SCAF8: variants seen among roughly 807,000 people sequenced by gnomAD.
SCAF8 encodes the protein SR-related and CTD-associated factor 8.
SCAF8 carries 23 observed loss-of-function variants against 140.5 expected under a neutral mutation model. That is an observed-to-expected ratio of 0.16 (90% CI 0.12 to 0.23). The LOEUF (loss-of-function observed/expected upper bound fraction) is 0.23, where lower values mean the gene tolerates loss of function less well. SCAF8 is among the 10% of genes least tolerant of loss of function. The pLI, the probability that SCAF8 is intolerant of heterozygous loss-of-function variation, is 1.00. For synonymous variants in SCAF8, 575 were observed against 528.9 expected (o/e 1.09, Z -1.20); for missense variants, 1,397 against 1,555.7 (o/e 0.90, Z 1.72).
chr6:154,820,443 A>C (rs1345746057), intron 15 of SCAF8, 110 bp downstream of exon 15: 1 of 826,376 alleles, frequency 1.2e-6, no homozygotes, highest in East Asian at 2.7e-5. Flanking sequence ...TTCATCTCCC[A>C]AAAAAGAGAA....
intron 19 of SCAF8, 93 bp downstream of exon 19, chr6:154,831,233 C>A: frequency 2.8e-6 from 2 of 706,892 alleles, no homozygotes; most frequent in Non-Finnish European, 4.5e-6. Context: ...CCACTTCAAT[C>A]TACAGATGCT....
chr6:154,733,845 A>T lies in SCAF8; in HGVS notation c.-56A>T, dbSNP rs1778331601. On this transcript the variant is annotated 5_prime_UTR_variant, in exon 1 of 20. Coordinates refer to ENST00000367178, the MANE Select transcript of SCAF8 (RefSeq NM_014892.5). ...AGCCCGCGTCTCGCTCTCCCCACCC[A>T]GTGCAGTGGCCGCCGCCTCTTCCGC... is the stretch of plus-strand genomic sequence containing the variant. The T allele has an allele frequency of 2.6e-6, 4 of 1,536,064 alleles. No individual in the cohort carries two copies. Among genetic ancestry groups the T allele is most frequent in the Non-Finnish European group, 3.5e-6 (4 of 1,147,190 alleles).
At chr6:154,804,034 G>A (rs934848854) in intron 8 of SCAF8, among the ~76,000 whole-genome samples, 1 of 151,718 alleles carries the variant, frequency 6.6e-6, no homozygotes, top group Non-Finnish European at 1.5e-5. Context: ...GGAGTTATGA[G>A]GATTTTTTTT....
At chr6:154,793,627 C>T (rs1394595277) in intron 5 of SCAF8, among the ~76,000 whole-genome samples, 1 of 151,208 alleles carries the variant, frequency 6.6e-6, no homozygotes, top group African/African-American at 2.4e-5. Context: ...GCAGCCTGGC[C>T]AATATAGTGA....
chr6:154,808,025 A>G (rs1341747581), intron 9 of SCAF8, 45 bp from the exon 10 acceptor site: 2 of 1,544,178 alleles, frequency 1.3e-6, no homozygotes, highest in East Asian at 2.3e-5. Context: ...ATTCATAACA[A>G]AAAGTATCTC....
chr6:154,794,765 G>GC (rs1777538956), intron 5 of SCAF8, among the ~76,000 whole-genome samples: 1 of 94,276 alleles, frequency 1.1e-5, no homozygotes, highest in East Asian at 3.2e-4. Flanking sequence ...TTGGTGGGGG[G>GC]GGGGGGGTGT....
chr6:154,786,223 G>A lies in SCAF8; in HGVS notation c.160-1638G>A, dbSNP rs535954383. Among the ~76,000 whole-genome samples the A allele has an allele frequency of 7.2e-5, 11 of 152,330 alleles. No individual in the cohort carries two copies. In the South Asian group the frequency reaches 2.3e-3, roughly 32 times the overall value. ...GGGGAGTGCTGTTGGTCAGGTTGGA[G>A]ATGGAATCATAGGGAGGTCCAAGTG... is the stretch of plus-strand genomic sequence containing the variant. On this transcript the variant is annotated intron_variant, in intron 3 of 19. Coordinates refer to ENST00000367178, the MANE Select transcript of SCAF8 (RefSeq NM_014892.5).
intron 6 of SCAF8, among the ~76,000 whole-genome samples, chr6:154,800,735 T>A (rs1400678633): frequency 6.6e-6 from 1 of 151,466 alleles, no homozygotes; most frequent in Non-Finnish European, 1.5e-5. Flanking sequence ...AAAAATATTT[T>A]AAAAAACCGA....
intron 1 of SCAF8, among the ~76,000 whole-genome samples, chr6:154,745,688 A>G (rs142759140): frequency 8.5e-5 from 13 of 152,124 alleles, no homozygotes; most frequent in African/African-American, 3.1e-4. Flanking sequence ...TTTGATGCAA[A>G]TACCTTGCTA....
intron 1 of SCAF8, among the ~76,000 whole-genome samples, chr6:154,737,993 G>T (rs2114786372): frequency 6.6e-6 from 1 of 152,072 alleles, no homozygotes; most frequent in African/African-American, 2.4e-5. Context: ...GGAGATCATT[G>T]GTTTGAAAAC....
Position 154,824,237 on chromosome 6 carries a change from C to G in SCAF8, c.1930C>G (p.Pro644Ala), listed in dbSNP as rs1223724828. The G allele has an allele frequency of 1.9e-6, 3 of 1,613,294 alleles. No homozygotes were observed. Among genetic ancestry groups the G allele is most frequent in the African/African-American group, 2.7e-5 (2 of 74,876 alleles). The change falls in exon 17 of 20, where the codon CCA becomes GCA. Residue 644 changes from proline (P) to alanine (A), a missense_variant. Pro to Ala is a conservative substitution (Grantham distance 27, BLOSUM62 -1). Around this residue, in one of 5 missense-constraint regions of SCAF8, gnomAD observed 930 missense variants for 874.6 expected, o/e 1.06. Transcript: ENST00000367178. ...CTTTTTTGTCTATCCACAAAAGATT[C>G]CAGTGGCGCCAGCCGTGCCTACAGT... ...FPPPVAMLQIPVAPAVPTVSL... is the reference protein window; with the variant it reads ...FPPPVAMLQIAVAPAVPTVSL...
At position 154,833,960 on chromosome 6, in the gene SCAF8, G is replaced by C. The variant is rs1175226309; in HGVS notation, c.*565G>C. 1 of 151,850 alleles carries C rather than the reference G, an allele frequency of 6.6e-6. No individual in the cohort carries two copies. Among genetic ancestry groups the C allele is most frequent in the African/African-American group, 2.4e-5 (1 of 41,432 alleles). 9.4% of individuals were successfully genotyped at this position (151,850 alleles called of 1,614,324 possible). A position where few individuals can be genotyped will look rare whatever the true frequency, so the allele number is the denominator to read the frequency against. On this transcript the variant is annotated 3_prime_UTR_variant, in exon 20 of 20. Coordinates refer to ENST00000367178, the MANE Select transcript of SCAF8 (RefSeq NM_014892.5). ...TGATTTGTTCCTCATACTGCAGTGA[G>C]TAAAAAAGAAACAAGAAAACAACAA...
chr6:154,742,088 G>T, intron 1 of SCAF8: 1 of 1,030,282 alleles, frequency 9.7e-7, no homozygotes, highest in Non-Finnish European at 1.4e-6. Flanking sequence ...TAGTGGAATA[G>T]TGTATTTGAT....
intron 9 of SCAF8, among the ~76,000 whole-genome samples, chr6:154,806,678 T>C (rs1338004317): frequency 1.3e-5 from 2 of 152,296 alleles, no homozygotes; most frequent in South Asian, 4.1e-4. Context: ...GACTTTTTAA[T>C]GCAAACAGTA....
chr6:154,760,488 A>AG (rs1359798709), intron 1 of SCAF8, among the ~76,000 whole-genome samples: 1 of 152,118 alleles, frequency 6.6e-6, no homozygotes, highest in Non-Finnish European at 1.5e-5. Flanking sequence ...TTTTTAAAAA[A>AG]GGGTTCTAGA....
At chr6:154,817,340 T>G (rs112401651) in intron 13 of SCAF8, among the ~76,000 whole-genome samples, 55 of 152,372 alleles carry the variant, frequency 3.6e-4, no homozygotes, top group African/African-American at 1.1e-3. Context: ...GTAATCTTTC[T>G]TGTATCACGG....
At chr6:154,790,522 T>TTC (rs1777386338) in intron 4 of SCAF8, among the ~76,000 whole-genome samples, 2 of 70,298 alleles carry the variant, frequency 2.8e-5, no homozygotes, top group African/African-American at 1.6e-4. Flanking sequence ...TTTTTTTTTT[T>TTC]TTTTTTGAGA....
chr6:154,777,815 C>G (rs530037260), intron 2 of SCAF8, among the ~76,000 whole-genome samples, 186 bp from the exon 3 acceptor site: 22 of 152,238 alleles, frequency 1.4e-4, no homozygotes, highest in Admixed American at 6.5e-4. Flanking sequence ...TAGAGAAGCC[C>G]TTTACTAATT....
intron 1 of SCAF8, among the ~76,000 whole-genome samples, chr6:154,739,840 C>T (rs920175507): frequency 6.6e-6 from 1 of 152,076 alleles, no homozygotes; most frequent in Non-Finnish European, 1.5e-5. Context: ...ATAATCTCAC[C>T]AACATCTAGT....
Sources: gnomAD v4.1 joint callset for allele counts (sites outside exome capture counted in the v4.1 genomes callset) on GRCh38, gnomAD v4.1.1 for gene constraint, gnomAD v4.1.1 regional missense constraint, MANE v1.5 for transcripts, NCBI Gene and HGNC (gene_info 2026-07-23, HGNC 2026-07-21) for gene names.